The following DNAJC28 variants were observed in gnomAD, a reference collection of about 807,000 sequenced individuals.
DNAJC28 encodes dnaJ homolog subfamily C member 28.
Under a neutral mutation model 33.3 loss-of-function variants are expected in DNAJC28, and 24 were observed. The ratio of observed to expected loss-of-function variants is 0.72; its 90% confidence interval spans 0.52 to 1.01. The LOEUF (loss-of-function observed/expected upper bound fraction) is 1.01. Among genes scored for constraint, DNAJC28 ranks in the 50% least tolerant of loss-of-function variants. DNAJC28 has a pLI of 0.00. For missense variants in DNAJC28, 442 were observed against 455.2 expected (o/e 0.97, Z 0.26); for synonymous variants, 120 against 147.2 (o/e 0.82, Z 1.34).
rs1364667236 is a variant in DNAJC28, at chr21:33,489,297, C to A, written c.97G>T (p.Gly33Cys). The change falls in exon 2 of 2, where the codon GGT (glycine) becomes TGT (cysteine). Residue 33 changes from glycine to cysteine, a missense_variant. Coordinates refer to ENST00000381947, the MANE Select transcript of DNAJC28 (RefSeq NM_001040192.3). ...PNRVKMLPYF[G>C]IIRNRMMSTH... ...GACATCATTCTATTTCTAATGATAC[C>A]AAAATATGGAAGCATTTTCACTCGA... 5 of 1,596,702 alleles carry A rather than the reference C, an allele frequency of 3.1e-6. No homozygotes were observed. Among genetic ancestry groups the A allele is most frequent in the Non-Finnish European group, 4.3e-6 (5 of 1,174,874 alleles).
rs1405372742 is a variant in DNAJC28, at chr21:33,488,544, G to A, written c.850C>T (p.Pro284Ser). 1 of 1,613,068 alleles carries A rather than the reference G, an allele frequency of 6.2e-7. No homozygotes were observed. Among genetic ancestry groups the A allele is most frequent in the South Asian group, 1.1e-5 (1 of 90,606 alleles). The stretch of plus-strand genomic sequence containing the variant: ...TGTTTCTTTTCAGTTGGTGTCATTG[G>A]ATTCCCAAGTTTTTTCCTAGACACT... ...ILVSRKKLGN[P>S]MTPTEKKQWN... The change falls in exon 2 of 2, where the codon CCA becomes TCA. Residue 284 changes from proline (P) to serine (S), a missense_variant. Transcript: ENST00000381947.
rs1424113096 is a variant in DNAJC28, at chr21:33,489,069, GT to G, written c.324del (p.Glu108AspfsTer16). ...CCTTTACTCTGACTGGCATTTGTTT[GT>G]TCTATCACATGGGAGAGCACCTTTC... ...AYRKVLSHVI[E>X]QTNASQSKGE... On this transcript the variant is annotated frameshift_variant, in exon 2 of 2. Transcript: ENST00000381947. LOFTEE classifies it high-confidence loss of function. 6.2e-7 allele frequency: 1 copy of G among 1,612,934 alleles called. No homozygotes were observed. The highest frequency in any genetic ancestry group is 1.3e-5 in the African/African-American group (1 of 74,786).
chr21:33,489,718 C>G (rs1459830510), intron 1 of DNAJC28, among the ~76,000 whole-genome samples: 1 of 151,540 alleles, frequency 6.6e-6, no homozygotes, highest in Non-Finnish European at 1.5e-5. Context: ...TCTGGATATC[C>G]TGACATGGTT....
chr21:33,490,779 A>G (rs143431549), intron 1 of DNAJC28, among the ~76,000 whole-genome samples: 51 of 152,262 alleles, frequency 3.3e-4, no homozygotes, highest in African/African-American at 1.2e-3. Context: ...ATAGATAGAT[A>G]GAATCTGGAT....
rs1263824529 is a variant in DNAJC28, at chr21:33,489,148, A to G, written c.246T>C (p.Ser82=). 1 of 1,613,380 alleles carries G rather than the reference A, an allele frequency of 6.2e-7. No individual in the cohort carries two copies. Among genetic ancestry groups the G allele is most frequent in the Non-Finnish European group, 8.5e-7 (1 of 1,179,910 alleles). ...HKLAKQYHPD[S]GSNTADSATF... Reference sequence around the variant, plus strand: ...TTGCAGAATCAGCAGTATTAGAGCCACTGTCAGGATGATATTGCTTGGCAA... The same window carrying G: ...TTGCAGAATCAGCAGTATTAGAGCCGCTGTCAGGATGATATTGCTTGGCAA... Residue 82 remains serine (S), a synonymous_variant, in exon 2 of 2, where the codon AGT becomes AGC. Coordinates refer to ENST00000381947, the MANE Select transcript of DNAJC28 (RefSeq NM_001040192.3).
At chr21:33,490,585 C>T (rs1182575093) in intron 1 of DNAJC28, among the ~76,000 whole-genome samples, 1 of 151,364 alleles carries the variant, frequency 6.6e-6, no homozygotes, top group African/African-American at 2.4e-5. Context: ...ATCAGCCTGG[C>T]TAACATGGCA....
chr21:33,488,359 T>C lies in DNAJC28; in HGVS notation c.1035A>G (p.Ile345Met). 1 of 1,588,004 alleles carries C rather than the reference T, an allele frequency of 6.3e-7. No individual in the cohort carries two copies. The highest frequency in any genetic ancestry group is 1.2e-5 in the South Asian group (1 of 84,996). Residue 345 changes from isoleucine (I) to methionine (M), a missense_variant, in exon 2 of 2, where the codon ATA becomes ATG. Transcript: ENST00000381947. The part of the protein sequence containing the change: ...VRAQKIYETL[I>M]KTKEVTDRNP... ...TTCTATCTGTGACTTCTTTTGTTTT[T>C]ATAAGGGTCTCGTATATTTTCTGGG...
chr21:33,490,270 G>A (rs965704241), intron 1 of DNAJC28, among the ~76,000 whole-genome samples: 2 of 151,028 alleles, frequency 1.3e-5, no homozygotes, highest in African/African-American at 4.9e-5. Context: ...CACCACTCCT[G>A]GCTAATTTTT....
chr21:33,488,302 C>A lies in DNAJC28; in HGVS notation c.1092G>T (p.Glu364Asp), dbSNP rs778117320. 1.2e-5 allele frequency: 19 copies of A among 1,558,896 alleles called. No individual in the cohort carries two copies. In the South Asian group the frequency reaches 2.3e-4, roughly 19 times the overall value. The stretch of plus-strand genomic sequence containing the variant: ...AACCTTTCTTGATTTCAGGTGTTTT[C>A]TCTCCTTCTCCTTGATCAAGGTTAT... ...NPNNLDQGEGEKTPEIKKGFL... is the reference protein window; with the variant it reads ...NPNNLDQGEGDKTPEIKKGFL... Residue 364 changes from glutamate (E) to aspartate (D), a missense_variant, in exon 2 of 2, where the codon GAG becomes GAT. Coordinates refer to ENST00000381947, the MANE Select transcript of DNAJC28 (RefSeq NM_001040192.3).
Position 33,488,408 on chromosome 21 carries a change from T to C in DNAJC28, c.986A>G (p.Asp329Gly). ...GGCTCTGACAATTTCTTTCTGAGCA[T>C]CAAAATGGACTTTTTGCCTGGTCAG... Reference protein sequence around the residue: ...PILTRQKVHFDAQKEIVRAQK... With the variant: ...PILTRQKVHFGAQKEIVRAQK... Residue 329 changes from aspartate (D) to glycine (G), a missense_variant, in exon 2 of 2, where the codon GAT becomes GGT. By Grantham distance (94) the Asp-to-Gly change is moderately conservative (BLOSUM62 -1). Transcript: ENST00000381947. The C allele has an allele frequency of 6.3e-7, 1 of 1,590,936 alleles. No homozygotes were observed. The highest frequency in any genetic ancestry group is 8.5e-7 in the Non-Finnish European group (1 of 1,173,402).
chr21:33,490,477 G>C (rs115460786), intron 1 of DNAJC28, among the ~76,000 whole-genome samples: 1,897 of 151,010 alleles, frequency 0.013, 39 homozygotes, highest in African/African-American at 0.044. Flanking sequence ...GAAGTTTAGT[G>C]TTAACATATT....
In DNAJC28 at chr21:33,488,136, G is replaced by T; in HGVS notation, c.*91C>A. The T allele has an allele frequency of 9.3e-7, 1 of 1,078,454 alleles. No individual in the cohort carries two copies. Among genetic ancestry groups the T allele is most frequent in the Non-Finnish European group, 1.3e-6 (1 of 780,242 alleles). 66.8% of individuals were successfully genotyped at this position (1,078,454 alleles called of 1,614,324 possible). A position where few individuals can be genotyped will look rare whatever the true frequency, so the allele number is the denominator to read the frequency against. ...GATTAGTTTTGTGATAAGTACAATG[G>T]CACAATTCTTAAATTCTTGTATTAT... On this transcript the variant is annotated 3_prime_UTR_variant, in exon 2 of 2. Coordinates refer to ENST00000381947, the MANE Select transcript of DNAJC28 (RefSeq NM_001040192.3).
In DNAJC28 at chr21:33,489,351, G is replaced by A; in HGVS notation, c.43C>T (p.His15Tyr). Reference protein sequence around the residue: ...YVMMAQILRSHLIKATVIPNR... With the variant: ...YVMMAQILRSYLIKATVIPNR... ...GGAATCACTGTAGCCTTTATCAGGTGAGATCTTAAGATCTGAGCCATCATC... is the reference window on the plus strand; with the variant it reads ...GGAATCACTGTAGCCTTTATCAGGTAAGATCTTAAGATCTGAGCCATCATC... The change falls in exon 2 of 2, where the codon CAC becomes TAC. Residue 15 changes from histidine (H) to tyrosine (Y), a missense_variant. Coordinates refer to ENST00000381947, the MANE Select transcript of DNAJC28 (RefSeq NM_001040192.3). 2 of 1,545,450 alleles carry A rather than the reference G, an allele frequency of 1.3e-6. No homozygotes were observed. The highest frequency in any genetic ancestry group is 1.7e-6 in the Non-Finnish European group (2 of 1,152,122).
In DNAJC28 at chr21:33,489,437, A is replaced by C; in HGVS notation, c.-31-13T>G. On this transcript the variant is annotated splice_polypyrimidine_tract_variant and intron_variant, in intron 1 of 1. Transcript: ENST00000381947. ...TCCTAGCAATGACCTATAAAACGAC[A>C]ACAAATATAGGTTGAACAAAGTTGT... 7.4e-7 allele frequency: 1 copy of C among 1,348,860 alleles called. No individual in the cohort carries two copies. The highest frequency in any genetic ancestry group is 9.9e-7 in the Non-Finnish European group (1 of 1,011,498). The allele number at this position is 1,348,860 out of a possible 1,614,324, so 83.6% of individuals were successfully genotyped here.
At position 33,488,669 on chromosome 21, in the gene DNAJC28, TTG is replaced by T; in HGVS notation, c.723_724del (p.His241GlnfsTer9). 6.2e-7 allele frequency: 1 copy of T among 1,612,526 alleles called. No homozygotes were observed. Among genetic ancestry groups the T allele is most frequent in the Non-Finnish European group, 8.5e-7 (1 of 1,179,654 alleles). ...ATTATCGATCAGTATTCGGTTCAGG[TTG>T]TGAGTCATGGGATCAATGTAAGAAC... On this transcript the variant is annotated frameshift_variant, in exon 2 of 2. Transcript: ENST00000381947. LOFTEE classifies it high-confidence loss of function.
chr21:33,490,099 T>C (rs1601151819), intron 1 of DNAJC28, among the ~76,000 whole-genome samples: 1 of 150,380 alleles, frequency 6.6e-6, no homozygotes, highest in Admixed American at 6.6e-5. Context: ...AGCCACATTC[T>C]TTTTTCTTTT....
intron 1 of DNAJC28, among the ~76,000 whole-genome samples, chr21:33,489,898 A>T (rs2084506619): frequency 6.8e-6 from 1 of 147,800 alleles, no homozygotes; most frequent in Non-Finnish European, 1.5e-5. Context: ...GGCTGAAGTG[A>T]TCCTCCCACC....
At position 33,489,133 on chromosome 21, in the gene DNAJC28, A is replaced by G. The variant is rs1329302297; in HGVS notation, c.261T>C (p.Ala87=). 1.2e-6 allele frequency: 2 copies of G among 1,613,850 alleles called. No homozygotes were observed. The highest frequency in any genetic ancestry group is 1.7e-6 in the Non-Finnish European group (2 of 1,180,006). ...CAATCCTTATAAATGTTGCAGAATC[A>G]GCAGTATTAGAGCCACTGTCAGGAT... ...QYHPDSGSNT[A]DSATFIRIEK... is the part of the protein sequence containing the mutation. Residue 87 remains alanine (A), a synonymous_variant, in exon 2 of 2, where the codon GCT becomes GCC. Transcript: ENST00000381947.
At position 33,489,103 on chromosome 21, in the gene DNAJC28, T is replaced by A. The variant is rs2084495694; in HGVS notation, c.291A>T (p.Lys97Asn). Residue 97 changes from lysine (K) to asparagine (N), a missense_variant, in exon 2 of 2, where the codon AAA (lysine) becomes AAT (asparagine). Physicochemically the swap from Lys to Asn is moderately conservative, Grantham distance 94 (BLOSUM62 0). Transcript: ENST00000381947. The part of the protein sequence containing the change: ...ADSATFIRIE[K>N]AYRKVLSHVI... ...CATGGGAGAGCACCTTTCTATAAGC[T>A]TTTTCAATCCTTATAAATGTTGCAG... 6.2e-7 allele frequency: 1 copy of A among 1,613,966 alleles called. No individual in the cohort carries two copies. Among genetic ancestry groups the A allele is most frequent in the East Asian group, 2.2e-5 (1 of 44,876 alleles).
Sources: gnomAD v4.1 joint callset for allele counts (sites outside exome capture counted in the v4.1 genomes callset) on GRCh38, gnomAD v4.1.1 for gene constraint, MANE v1.5 for transcripts, NCBI Gene and HGNC (gene_info 2026-07-23, HGNC 2026-07-21) for gene names.